The following SVOP variants were observed in gnomAD, a reference collection of about 807,000 sequenced individuals.
SVOP encodes SV2 related protein, also known as synaptic vesicle 2-related protein.
Under a neutral mutation model 69.1 loss-of-function variants are expected in SVOP, and 17 were observed. That is an observed-to-expected ratio of 0.25 (90% CI 0.17 to 0.37). The LOEUF (loss-of-function observed/expected upper bound fraction) is 0.37. Among genes scored for constraint, SVOP ranks in the 10% least tolerant of loss-of-function variants. The pLI, the probability that SVOP is intolerant of heterozygous loss-of-function variation, is 1.00. For missense variants in SVOP, 435 were observed against 597.5 expected (o/e 0.73, Z 2.84); for synonymous variants, 238 against 238.6 (o/e 1.00, Z 0.02).
intron 10 of SVOP, 63 bp from the exon 11 acceptor site, chr12:108,934,334 C>T: frequency 1.4e-6 from 2 of 1,435,048 alleles, no homozygotes; most frequent in Non-Finnish European, 1.9e-6. Context: ...CCTTTCCCTA[C>T]CCCCTTGGGA....
At chr12:108,936,021 A>AACACACACACAC (rs1555249287) in intron 10 of SVOP, among the ~76,000 whole-genome samples, 1 of 73,662 alleles carries the variant, frequency 1.4e-5, no homozygotes, top group African/African-American at 1.0e-4. Flanking sequence ...ACATAGTATA[A>AACACACACACAC]ATACACACAC....
chr12:108,927,589 CTTTTTTTT>C (rs10679632), intron 11 of SVOP, among the ~76,000 whole-genome samples: 6 of 131,270 alleles, frequency 4.6e-5, no homozygotes, highest in African/African-American at 1.1e-4. Flanking sequence ...CTCTCTCTCT[CTTTTTTTT>C]TTTTTTTTTT....
chr12:108,999,389 A>ATT (rs2040255221), intron 1 of SVOP, among the ~76,000 whole-genome samples: 2 of 151,050 alleles, frequency 1.3e-5, no homozygotes, highest in Non-Finnish European at 3.0e-5. Flanking sequence ...CACTGTCAAC[A>ATT]TTAGACAGAT....
At position 108,960,980 on chromosome 12, in the gene SVOP, C is replaced by CTATA. The variant is rs2137422497; in HGVS notation, c.517_520dup (p.Ser174IlefsTer2). The CTATA allele has an allele frequency of 6.5e-7, 1 of 1,537,150 alleles. No individual in the cohort carries two copies. The highest frequency in any genetic ancestry group is 8.7e-7 in the Non-Finnish European group (1 of 1,146,858). On this transcript the variant is annotated stop_gained and frameshift_variant, in exon 6 of 16. Transcript: ENST00000610966. LOFTEE classifies it high-confidence loss of function. ...CAGGCCCCGGAGCACCAGGATCCAGCTATACACGGGCGCAAATGCACTAAG... is the reference window on the plus strand; with the variant it reads ...CAGGCCCCGGAGCACCAGGATCCAGCTATATATACACGGGCGCAAATGCACTAAG...
intron 6 of SVOP, among the ~76,000 whole-genome samples, chr12:108,956,689 G>C (rs1419371727): frequency 6.6e-6 from 1 of 152,156 alleles, no homozygotes; most frequent in African/African-American, 2.4e-5. Flanking sequence ...TCACCTGAGG[G>C]CTCACACAAT....
chr12:108,944,961 C>A (rs2039914090), intron 7 of SVOP, 142 bp downstream of exon 7: 1 of 698,766 alleles, frequency 1.4e-6, no homozygotes, highest in Admixed American at 2.9e-5. Flanking sequence ...AATGATGTAA[C>A]TGATCCTTTT....
At chr12:108,965,407 G>A (rs1214403338) in intron 5 of SVOP, among the ~76,000 whole-genome samples, 1 of 152,136 alleles carries the variant, frequency 6.6e-6, no homozygotes, top group African/African-American at 2.4e-5. Context: ...AATGCACAAT[G>A]CACATGTAAC....
intron 15 of SVOP, among the ~76,000 whole-genome samples, chr12:108,913,082 G>GT (rs952437023): frequency 4.6e-5 from 7 of 151,026 alleles, no homozygotes; most frequent in East Asian, 1.9e-4. Flanking sequence ...TGTTTTTTTT[G>GT]TTTTTTTGAG....
chr12:108,970,848 G>A (rs547805579), intron 5 of SVOP, among the ~76,000 whole-genome samples: 10 of 151,514 alleles, frequency 6.6e-5, no homozygotes, highest in African/African-American at 2.2e-4. Context: ...GACCCTGTCT[G>A]TCTACAAAAA....
intron 2 of SVOP, among the ~76,000 whole-genome samples, chr12:108,980,667 G>A (rs1258672350): frequency 1.7e-5 from 2 of 117,800 alleles, no homozygotes; most frequent in African/African-American, 3.6e-5. Context: ...GGAGAATGGC[G>A]TGAACCCGGG....
In SVOP at chr12:108,912,301, T is replaced by G; in HGVS notation, c.*234A>C. 1 of 1,410,156 alleles carries G rather than the reference T, an allele frequency of 7.1e-7. No individual in the cohort carries two copies. Among genetic ancestry groups the G allele is most frequent in the African/African-American group, 1.4e-5 (1 of 69,406 alleles). 87.4% of individuals were successfully genotyped at this position (1,410,156 alleles called of 1,614,324 possible). On this transcript the variant is annotated 3_prime_UTR_variant, in exon 16 of 16. Coordinates refer to ENST00000610966, the MANE Select transcript of SVOP (RefSeq NM_018711.5). ...TCTTCCCATGTAGATCCACAGGTTA[T>G]GAACAAAGCTTTCACCACATATACA... is the stretch of plus-strand genomic sequence containing the variant.
At chr12:108,913,352 C>T (rs569421914) in intron 15 of SVOP, among the ~76,000 whole-genome samples, 4 of 152,256 alleles carry the variant, frequency 2.6e-5, no homozygotes, top group East Asian at 1.9e-4. Flanking sequence ...TGAGCCAACA[C>T]GCCCAGCCAG....
At chr12:108,965,085 G>A (rs920125953) in intron 5 of SVOP, among the ~76,000 whole-genome samples, 6 of 152,160 alleles carry the variant, frequency 3.9e-5, no homozygotes, top group Non-Finnish European at 7.4e-5. Flanking sequence ...TTGAACACCT[G>A]CTGTTTGCTA....
chr12:108,997,217 C>T (rs1156907080), intron 1 of SVOP, among the ~76,000 whole-genome samples: 2 of 152,170 alleles, frequency 1.3e-5, no homozygotes, highest in Non-Finnish European at 2.9e-5. Context: ...CCTGGAAAAT[C>T]GGGTCACTCC....
At chr12:108,992,776 G>A (rs1378068326) in intron 1 of SVOP, among the ~76,000 whole-genome samples, 1 of 152,130 alleles carries the variant, frequency 6.6e-6, no homozygotes, top group Non-Finnish European at 1.5e-5. Context: ...ATGGGTGTGG[G>A]GTCTCCTTTT....
intron 2 of SVOP, among the ~76,000 whole-genome samples, chr12:108,979,117 C>T (rs969864868): frequency 2.0e-5 from 3 of 151,020 alleles, no homozygotes; most frequent in Non-Finnish European, 4.4e-5. Context: ...AGAATATATA[C>T]AAGGCTTTGA....
At chr12:108,996,458 T>G (rs1324445429) in intron 1 of SVOP, among the ~76,000 whole-genome samples, 3 of 152,020 alleles carry the variant, frequency 2.0e-5, no homozygotes, top group Non-Finnish European at 4.4e-5. Flanking sequence ...TTCAGGAGGC[T>G]GAGGCAAGAG....
At chr12:108,948,281 A>T (rs1048158856) in intron 6 of SVOP, among the ~76,000 whole-genome samples, 1 of 152,110 alleles carries the variant, frequency 6.6e-6, no homozygotes, top group Non-Finnish European at 1.5e-5. Context: ...ACTCTCAATA[A>T]ATCACTTATA....
chr12:108,938,792 C>G (rs115939049), intron 9 of SVOP, 35 bp downstream of exon 9: 1 of 1,613,530 alleles, frequency 6.2e-7, no homozygotes, highest in South Asian at 1.1e-5. Context: ...CACCCCGATA[C>G]GCACATTGCA....
Sources: gnomAD v4.1 joint callset for allele counts (sites outside exome capture counted in the v4.1 genomes callset) on GRCh38, gnomAD v4.1.1 for gene constraint, MANE v1.5 for transcripts, NCBI Gene and HGNC (gene_info 2026-07-23, HGNC 2026-07-21) for gene names.